The following MAML2 variants were observed in gnomAD, a reference collection of about 807,000 sequenced individuals.
The protein encoded by MAML2 is mastermind like transcriptional coactivator 2.
Under a neutral mutation model 96.1 loss-of-function variants are expected in MAML2, and 22 were observed. The observed-to-expected ratio is 0.23, with a 90% CI of 0.16 to 0.33. The LOEUF (loss-of-function observed/expected upper bound fraction) is 0.33. Ranked by LOEUF, MAML2 falls within the 10% of genes least tolerant of loss-of-function variation. MAML2 has a pLI of 1.00. For synonymous variants in MAML2, 561 were observed against 521.3 expected, an observed-to-expected ratio of 1.08 and a Z score of -1.04; for missense variants, 1,367 against 1,392.4, an observed-to-expected ratio of 0.98 and a Z score of 0.29.
chr11:96,121,950 C>CTTTTT lies in MAML2; in HGVS notation c.514-28438_514-28434dup, dbSNP rs71040130. On this transcript the variant is annotated intron_variant, in intron 1 of 4. Transcript: ENST00000524717. ...TACAGGCACCCGCCACCACGCCCGG[C>CTTTTT]TTTTTTTTTTTTTTTTTTTTTTTTT... 6.5e-3 allele frequency among the ~76,000 whole-genome samples: 370 copies of CTTTTT among 56,828 alleles called. 4 individuals carry two copies. The highest frequency in any genetic ancestry group is 6.8e-3 in the Non-Finnish European group (227 of 33,380). The allele number at this position is 56,828 out of a possible 152,430, so 37.3% of individuals were successfully genotyped here. A position where few individuals can be genotyped will look rare whatever the true frequency, so the allele number is the denominator to read the frequency against.
At chr11:96,267,431 G>GA in intron 1 of MAML2, among the ~76,000 whole-genome samples, 1 of 151,796 alleles carries the variant, frequency 6.6e-6, no homozygotes, top group East Asian at 1.9e-4. Flanking sequence ...GGGGAAAAAA[G>GA]AAAAAAAGCA....
chr11:96,227,410 C>T (rs1378784443), intron 1 of MAML2, among the ~76,000 whole-genome samples: 1 of 152,180 alleles, frequency 6.6e-6, no homozygotes, highest in East Asian at 1.9e-4. Context: ...CTGTAAGTTT[C>T]ATGCCAAGAA....
chr11:96,229,498 G>A (rs1352747734), intron 1 of MAML2, among the ~76,000 whole-genome samples: 1 of 149,168 alleles, frequency 6.7e-6, no homozygotes, highest in Non-Finnish European at 1.5e-5. Context: ...ATACTACCTC[G>A]TGTGTCATGT....
chr11:96,034,880 T>C (rs573365406), intron 2 of MAML2, among the ~76,000 whole-genome samples: 2 of 152,288 alleles, frequency 1.3e-5, no homozygotes, highest in East Asian at 3.9e-4. Flanking sequence ...TCTTGGACTC[T>C]AATCATTGTA....
intron 1 of MAML2, among the ~76,000 whole-genome samples, chr11:96,308,881 GA>G (rs1361742660): frequency 6.6e-6 from 1 of 152,194 alleles, no homozygotes; most frequent in Non-Finnish European, 1.5e-5. Context: ...TTGAATGAAT[GA>G]ATGCTTCATT....
intron 1 of MAML2, among the ~76,000 whole-genome samples, chr11:96,147,463 T>C (rs1002912371): frequency 6.6e-6 from 1 of 152,252 alleles, no homozygotes; most frequent in African/African-American, 2.4e-5. Flanking sequence ...CTTAATCAGA[T>C]ACATGAAAAA....
intron 3 of MAML2, among the ~76,000 whole-genome samples, chr11:95,986,594 T>C (rs913821832): frequency 1.3e-5 from 2 of 152,158 alleles, no homozygotes; most frequent in African/African-American, 4.8e-5. Context: ...ATGAATTTTA[T>C]CTCTTTTTTA....
intron 1 of MAML2, among the ~76,000 whole-genome samples, chr11:96,219,940 TAATCCCTC>T (rs900139531): frequency 6.6e-6 from 1 of 152,190 alleles, no homozygotes; most frequent in Non-Finnish European, 1.5e-5. Flanking sequence ...TTATTATTTT[TAATCCCTC>T]AGTAAAATGA....
intron 1 of MAML2, among the ~76,000 whole-genome samples, chr11:96,275,695 T>C (rs1862979965): frequency 6.6e-6 from 1 of 152,186 alleles, no homozygotes. Context: ...GCTTTGTTTT[T>C]CCATTAATTT....
At chr11:96,091,623 C>T (rs143250215) in intron 2 of MAML2, among the ~76,000 whole-genome samples, 4 of 152,292 alleles carry the variant, frequency 2.6e-5, no homozygotes, top group South Asian at 2.1e-4. Context: ...TCACTAACAG[C>T]ATACATTATA....
intron 1 of MAML2, among the ~76,000 whole-genome samples, chr11:96,193,385 A>C (rs1424136028): frequency 6.6e-6 from 1 of 152,196 alleles, no homozygotes; most frequent in Non-Finnish European, 1.5e-5. Flanking sequence ...AACAAAAAAA[A>C]ATGTGTCTGG....
At chr11:96,056,907 G>A (rs1859079087) in intron 2 of MAML2, among the ~76,000 whole-genome samples, 3 of 152,172 alleles carry the variant, frequency 2.0e-5, no homozygotes, top group African/African-American at 7.2e-5. Flanking sequence ...TTTAGACAAA[G>A]GCAAGAGGAT....
At chr11:96,114,107 CAG>C (rs1164849251) in intron 1 of MAML2, among the ~76,000 whole-genome samples, 9 of 151,874 alleles carry the variant, frequency 5.9e-5, no homozygotes, top group Non-Finnish European at 1.3e-4. Flanking sequence ...TTTTCAAAGA[CAG>C]AGTCTTGCTA....
intron 4 of MAML2, among the ~76,000 whole-genome samples, chr11:95,980,213 G>T (rs1857716648): frequency 6.6e-6 from 1 of 152,080 alleles, no homozygotes; most frequent in African/African-American, 2.4e-5. Flanking sequence ...CTATCTTGTA[G>T]GTTTTATTTT....
chr11:96,082,041 CT>C (rs1204092459), intron 2 of MAML2, among the ~76,000 whole-genome samples: 1 of 152,074 alleles, frequency 6.6e-6, no homozygotes, highest in African/African-American at 2.4e-5. Context: ...TTTGTCCTGC[CT>C]TTTTTTCTTT....
At chr11:96,212,141 GT>G (rs1382763552) in intron 1 of MAML2, among the ~76,000 whole-genome samples, 8 of 149,838 alleles carry the variant, frequency 5.3e-5, no homozygotes, top group Non-Finnish European at 1.2e-4. Flanking sequence ...GTGTGTGTGT[GT>G]GTGTGTGTGG....
chr11:96,289,711 A>G (rs1304557646), intron 1 of MAML2, among the ~76,000 whole-genome samples: 2 of 152,222 alleles, frequency 1.3e-5, no homozygotes, highest in Non-Finnish European at 2.9e-5. Context: ...ATAGAGTAGT[A>G]TGATTACGTT....
intron 3 of MAML2, among the ~76,000 whole-genome samples, chr11:95,991,218 G>A (rs1377457567): frequency 6.6e-6 from 1 of 152,094 alleles, no homozygotes; most frequent in Non-Finnish European, 1.5e-5. Context: ...TAAGCCTGGG[G>A]AACAACACTG....
chr11:96,170,518 C>T (rs1861271142), intron 1 of MAML2, among the ~76,000 whole-genome samples: 1 of 152,120 alleles, frequency 6.6e-6, no homozygotes, highest in African/African-American at 2.4e-5. Context: ...CAAAGAACCT[C>T]GATTATTCCT....
Sources: allele counts gnomAD v4.1 joint callset (sites outside exome capture counted in the v4.1 genomes callset), GRCh38; gene constraint gnomAD v4.1.1; transcripts MANE v1.5; gene names NCBI Gene and HGNC (gene_info 2026-07-23, HGNC 2026-07-21).